The following TRDN variants were observed in gnomAD, a reference collection of about 807,000 sequenced individuals.
The protein encoded by TRDN is triadin in skeletal muscle.
Under a neutral mutation model 149.7 loss-of-function variants are expected in TRDN, and 161 were observed. The observed-to-expected ratio is 1.08, with a 90% CI of 0.95 to 1.23. The LOEUF is 1.23. TRDN is among the 50% of genes most tolerant of loss of function. The pLI, the probability that TRDN is intolerant of heterozygous loss-of-function variation, is 0.00. For missense variants in TRDN, 896 were observed against 823.5 expected, an observed-to-expected ratio of 1.09 and a Z score of -1.08; for synonymous variants, 294 against 250.5, an observed-to-expected ratio of 1.17 and a Z score of -1.64.
At chr6:123,303,294 A>T in intron 24 of TRDN, among the ~76,000 whole-genome samples, 1 of 137,290 alleles carries the variant, frequency 7.3e-6, no homozygotes, top group African/African-American at 2.6e-5. Flanking sequence ...AAAAATTATT[A>T]ACCAATGATT....
intron 1 of TRDN, among the ~76,000 whole-genome samples, chr6:123,599,857 C>T (rs545959597): frequency 6.6e-6 from 1 of 151,862 alleles, no homozygotes; most frequent in East Asian, 1.9e-4. Flanking sequence ...CTAGTCAGCT[C>T]AAGCTTCAGT....
At chr6:123,310,129 CG>C (rs1185034639) in intron 24 of TRDN, among the ~76,000 whole-genome samples, 5 of 151,904 alleles carry the variant, frequency 3.3e-5, no homozygotes, top group Non-Finnish European at 5.9e-5. Flanking sequence ...TCCAGTAAAT[CG>C]CATATTTCAG....
intron 1 of TRDN, among the ~76,000 whole-genome samples, chr6:123,571,392 T>A (rs2114539425): frequency 6.6e-6 from 1 of 152,288 alleles, no homozygotes; most frequent in South Asian, 2.1e-4. Flanking sequence ...TCAACACAAG[T>A]GATAAAATGG....
chr6:123,299,047 T>C (rs1205767688), intron 24 of TRDN, among the ~76,000 whole-genome samples: 1 of 152,084 alleles, frequency 6.6e-6, no homozygotes, highest in Non-Finnish European at 1.5e-5. Context: ...TTCTATTGAT[T>C]AGTACCCTCT....
chr6:123,224,194 A>G (rs369824146), intron 38 of TRDN, 63 bp from the exon 39 acceptor site: 5 of 1,515,744 alleles, frequency 3.3e-6, no homozygotes, highest in Middle Eastern at 1.7e-4. Flanking sequence ...CAGAGGAAGT[A>G]TTGTATTTAA....
chr6:123,438,005 T>C (rs1156765326), intron 12 of TRDN, 58 bp downstream of exon 12: 3 of 1,443,446 alleles, frequency 2.1e-6, no homozygotes, highest in African/African-American at 1.4e-5. Context: ...TGAGGAGTCT[T>C]TCATGAAGCA....
chr6:123,371,527 GT>G (rs2114379660), intron 19 of TRDN, among the ~76,000 whole-genome samples: 1 of 152,248 alleles, frequency 6.6e-6, no homozygotes, highest in South Asian at 2.1e-4. Flanking sequence ...ATAGTGCCAT[GT>G]TGCTGTGTTC....
intron 7 of TRDN, among the ~76,000 whole-genome samples, chr6:123,511,850 G>A (rs577386326): frequency 6.6e-6 from 1 of 152,186 alleles, no homozygotes; most frequent in East Asian, 1.9e-4. Flanking sequence ...ACAGCCAATG[G>A]GCAAAAGTAC....
chr6:123,375,332 A>G (rs534761052), intron 19 of TRDN, among the ~76,000 whole-genome samples: 3 of 152,296 alleles, frequency 2.0e-5, no homozygotes, highest in South Asian at 2.1e-4. Context: ...TTCACTTATT[A>G]TACTGCAAAA....
At chr6:123,315,280 A>T (rs1778982750) in intron 24 of TRDN, among the ~76,000 whole-genome samples, 1 of 151,896 alleles carries the variant, frequency 6.6e-6, no homozygotes, top group African/African-American at 2.4e-5. Context: ...GTAACTTTTG[A>T]TGTAAACACT....
chr6:123,509,985 AG>A (rs938572449), intron 7 of TRDN: 9 of 152,122 alleles, frequency 5.9e-5, no homozygotes, highest in African/African-American at 2.2e-4. Flanking sequence ...CTGTTAAACG[AG>A]GTAATTAATT....
At chr6:123,515,633 C>T (rs983799677) in intron 6 of TRDN, among the ~76,000 whole-genome samples, 8 of 151,712 alleles carry the variant, frequency 5.3e-5, no homozygotes, top group Admixed American at 2.6e-4. Context: ...CATGAGTGGT[C>T]TACTGTATGT....
chr6:123,375,748 T>C, intron 18 of TRDN, 117 bp from the exon 19 acceptor site: 1 of 782,538 alleles, frequency 1.3e-6, no homozygotes, highest in Non-Finnish European at 1.9e-6. Flanking sequence ...TATTGGAAGC[T>C]AAAGAAAAAT....
Position 123,260,660 on chromosome 6 carries a change from G to GA in TRDN, c.1805-23dup. 5.4e-6 allele frequency: 5 copies of GA among 930,942 alleles called. No individual in the cohort carries two copies. The Admixed American group carries it at 1.5e-4, about 28-fold the overall frequency. The allele number at this position is 930,942 out of a possible 1,614,324, so 57.7% of individuals were successfully genotyped here. A position where few individuals can be genotyped will look rare whatever the true frequency, so the allele number is the denominator to read the frequency against. ...CCTTCTTTAGAAAAAAAAAAAAAAA[G>GA]AATGTAGAAAGAAAGGAAAAAAAAT... On this transcript the variant is annotated intron_variant, in intron 33 of 40. Transcript: ENST00000334268.
chr6:123,521,583 G>A (rs959769251), intron 5 of TRDN, among the ~76,000 whole-genome samples: 1 of 152,070 alleles, frequency 6.6e-6, no homozygotes, highest in Non-Finnish European at 1.5e-5. Flanking sequence ...TGGAAACCTT[G>A]ACTTTGGACT....
intron 20 of TRDN, among the ~76,000 whole-genome samples, chr6:123,361,885 T>A (rs542059296): frequency 1.2e-4 from 18 of 152,264 alleles, no homozygotes; most frequent in African/African-American, 4.3e-4. Flanking sequence ...CAAGCTCAAT[T>A]ACCTCCATGC....
At chr6:123,468,331 G>GA (rs1776954264) in intron 9 of TRDN, among the ~76,000 whole-genome samples, 1 of 152,154 alleles carries the variant, frequency 6.6e-6, no homozygotes, top group African/African-American at 2.4e-5. Context: ...GCTATTACCT[G>GA]AAAATCCCTC....
At chr6:123,618,449 T>C (rs775763587) in intron 1 of TRDN, among the ~76,000 whole-genome samples, 1 of 152,194 alleles carries the variant, frequency 6.6e-6, no homozygotes. Context: ...CGTGATTTTA[T>C]TGGGCCCACC....
At position 123,282,091 on chromosome 6, in the gene TRDN, T is replaced by C. The variant is rs372911180; in HGVS notation, c.1511-3009A>G. ...GAGATGGACAAACATAGAGGGAATG[T>C]AATATGAAGACACACAGAGAGAATA... is the stretch of plus-strand genomic sequence containing the variant. On this transcript the variant is annotated intron_variant, in intron 24 of 40. Transcript: ENST00000334268. Among the ~76,000 whole-genome samples the C allele has an allele frequency of 1.4e-3, 219 of 152,010 alleles. 6 individuals carry two copies. In the South Asian group the frequency reaches 0.042, roughly 29 times the overall value.
Sources: gnomAD v4.1 joint callset for allele counts (sites outside exome capture counted in the v4.1 genomes callset) on GRCh38, gnomAD v4.1.1 for gene constraint, MANE v1.5 for transcripts, NCBI Gene and HGNC (gene_info 2026-07-23, HGNC 2026-07-21) for gene names.